Variants in LRFN2 observed in about 807,000 individuals in gnomAD.
The protein encoded by LRFN2 is leucine-rich repeat and fibronectin type-III domain-containing protein 2.
LRFN2 carries 18 observed loss-of-function variants against 37.3 expected under a neutral mutation model. The ratio of observed to expected loss-of-function variants is 0.48; its 90% CI spans 0.33 to 0.72. The LOEUF is 0.72. Among genes scored for constraint, LRFN2 ranks in the 30% least tolerant of loss-of-function variants. LRFN2 has a pLI of 0.02. For missense variants in LRFN2, 1,006 were observed against 1,060.7 expected, an observed-to-expected ratio of 0.95 and a Z score of 0.72; for synonymous variants, 556 against 466.6, an observed-to-expected ratio of 1.19 and a Z score of -2.47.
At chr6:40,444,082 G>A (rs961099599) in intron 1 of LRFN2, among the ~76,000 whole-genome samples, 1 of 152,202 alleles carries the variant, frequency 6.6e-6, no homozygotes, top group African/African-American at 2.4e-5. Flanking sequence ...AAGGAAACTT[G>A]CATGTAGTTG....
Position 40,461,201 on chromosome 6 carries a change from G to A in LRFN2, c.-18-28070C>T, listed in dbSNP as rs144884347. 9.9e-4 allele frequency among the ~76,000 whole-genome samples: 151 copies of A among 152,216 alleles called. 1 individual carries two copies. In the East Asian group the frequency reaches 0.022, roughly 22 times the overall value. On this transcript the variant is annotated intron_variant, in intron 1 of 2. Transcript: ENST00000338305. ...GTGGGAAGATGGCTTGAGGCCAGGA[G>A]TTCAAGACCAACCTGGTCAACATAG...
intron 1 of LRFN2, among the ~76,000 whole-genome samples, chr6:40,517,113 A>T (rs1448911392): frequency 6.6e-6 from 1 of 152,156 alleles, no homozygotes. Context: ...AAGGGTTCTG[A>T]TGAGGTAACT....
chr6:40,521,078 A>G (rs1370457235), intron 1 of LRFN2, among the ~76,000 whole-genome samples: 1 of 152,160 alleles, frequency 6.6e-6, no homozygotes, highest in Non-Finnish European at 1.5e-5. Context: ...GAGAGACACA[A>G]CTAGAGTCAG....
At chr6:40,577,818 A>AAAAT (rs1767324242) in intron 1 of LRFN2, among the ~76,000 whole-genome samples, 1 of 106,792 alleles carries the variant, frequency 9.4e-6, no homozygotes, top group Non-Finnish European at 2.0e-5. Flanking sequence ...TAAAAATTAA[A>AAAAT]AAAAATAAAA....
intron 1 of LRFN2, among the ~76,000 whole-genome samples, chr6:40,481,725 C>T (rs956571068): frequency 6.6e-6 from 1 of 152,090 alleles, no homozygotes; most frequent in African/African-American, 2.4e-5. Context: ...GTGCCAAATG[C>T]TCCCTGGGTG....
At chr6:40,423,547 A>C (rs761749254) in intron 2 of LRFN2, among the ~76,000 whole-genome samples, 3 of 152,204 alleles carry the variant, frequency 2.0e-5, no homozygotes, top group Admixed American at 6.5e-5. Context: ...GGAGAGCAAT[A>C]AAGTGATTTT....
At chr6:40,444,587 G>A (rs924153314) in intron 1 of LRFN2, among the ~76,000 whole-genome samples, 3 of 152,148 alleles carry the variant, frequency 2.0e-5, no homozygotes, top group Admixed American at 1.3e-4. Flanking sequence ...GGATACAGCA[G>A]GAAGAGCATG....
intron 1 of LRFN2, among the ~76,000 whole-genome samples, chr6:40,571,147 T>C (rs1767179712): frequency 6.6e-6 from 1 of 152,230 alleles, no homozygotes; most frequent in South Asian, 2.1e-4. Flanking sequence ...ATTGTTTGTT[T>C]ACCTCTCTGC....
At chr6:40,407,194 A>ATG (rs1298828157) in intron 2 of LRFN2, among the ~76,000 whole-genome samples, 2 of 152,154 alleles carry the variant, frequency 1.3e-5, no homozygotes, top group South Asian at 4.1e-4. Flanking sequence ...CATTCTGTGT[A>ATG]TGTGTGTGTG....
chr6:40,491,299 C>T (rs1165565264), intron 1 of LRFN2, among the ~76,000 whole-genome samples: 1 of 152,206 alleles, frequency 6.6e-6, no homozygotes, highest in Non-Finnish European at 1.5e-5. Context: ...CCTGGGTGCC[C>T]ATCTTAGAGT....
intron 1 of LRFN2, among the ~76,000 whole-genome samples, chr6:40,525,470 T>C (rs1273791956): frequency 6.6e-6 from 1 of 152,242 alleles, no homozygotes; most frequent in Non-Finnish European, 1.5e-5. Context: ...TATTAATCAA[T>C]GAAACGTCAT....
At chr6:40,401,728 C>T (rs1485872875) in intron 2 of LRFN2, among the ~76,000 whole-genome samples, 1 of 152,038 alleles carries the variant, frequency 6.6e-6, no homozygotes, top group East Asian at 1.9e-4. Flanking sequence ...ACAAGAAATC[C>T]TTGCCTTCCT....
intron 1 of LRFN2, among the ~76,000 whole-genome samples, chr6:40,474,302 G>A (rs1764664933): frequency 6.6e-6 from 1 of 152,122 alleles, no homozygotes; most frequent in Non-Finnish European, 1.5e-5. Context: ...TTGCTTCCTT[G>A]CCTCTTCCAG....
intron 1 of LRFN2, among the ~76,000 whole-genome samples, chr6:40,456,549 G>T (rs374450316): frequency 6.6e-6 from 1 of 152,178 alleles, no homozygotes; most frequent in Admixed American, 6.5e-5. Context: ...AATAATGATC[G>T]TGCTGCTGCT....
At chr6:40,441,908 C>T (rs559919185) in intron 1 of LRFN2, among the ~76,000 whole-genome samples, 4 of 152,324 alleles carry the variant, frequency 2.6e-5, no homozygotes, top group South Asian at 4.1e-4. Context: ...GACCAGAGTT[C>T]CTGGATGGAA....
intron 1 of LRFN2, among the ~76,000 whole-genome samples, chr6:40,448,297 G>A (rs1480710197): frequency 6.6e-6 from 1 of 152,036 alleles, no homozygotes; most frequent in Non-Finnish European, 1.5e-5. Flanking sequence ...CCTGGGTTTG[G>A]TGCACCCATC....
chr6:40,463,835 C>T (rs12523801), intron 1 of LRFN2, among the ~76,000 whole-genome samples: 5,135 of 152,060 alleles, frequency 0.034, 157 homozygotes, highest in East Asian at 0.082. Flanking sequence ...CACCACCGTG[C>T]CCAGCTAAAT....
intron 2 of LRFN2, among the ~76,000 whole-genome samples, chr6:40,414,550 C>T (rs1763053284): frequency 6.6e-6 from 1 of 152,218 alleles, no homozygotes; most frequent in Non-Finnish European, 1.5e-5. Flanking sequence ...GGAGGAGAAA[C>T]CGCCTGCATT....
chr6:40,569,290 C>A (rs557864916), intron 1 of LRFN2, among the ~76,000 whole-genome samples: 1 of 152,264 alleles, frequency 6.6e-6, no homozygotes, highest in South Asian at 2.1e-4. Flanking sequence ...GGCCTGGAAC[C>A]AAGGGAGAGT....
Sources: allele counts gnomAD v4.1 joint callset (sites outside exome capture counted in the v4.1 genomes callset), GRCh38; gene constraint gnomAD v4.1.1; transcripts MANE v1.5; gene names NCBI Gene and HGNC (gene_info 2026-07-23, HGNC 2026-07-21).